ADAM9: variants seen among roughly 807,000 people sequenced by gnomAD.
The protein encoded by ADAM9 is ADAM metallopeptidase domain 9, also known as disintegrin and metalloproteinase domain-containing protein 9.
ADAM9 carries 54 observed loss-of-function variants against 108.1 expected under a neutral mutation model. The ratio of observed to expected loss-of-function variants is 0.50; its 90% CI spans 0.40 to 0.63. ADAM9 has a LOEUF of 0.63. Ranked by LOEUF, ADAM9 falls within the 20% of genes least tolerant of loss-of-function variation. ADAM9 has a pLI of 0.00. For synonymous variants in ADAM9, 316 were observed against 336.0 expected (o/e 0.94, Z 0.65); for missense variants, 830 against 997.7 (o/e 0.83, Z 2.26).
At position 39,105,145 on chromosome 8, in the gene ADAM9, CT is replaced by C; in HGVS notation, c.*1450del. On this transcript the variant is annotated 3_prime_UTR_variant, in exon 22 of 22. Transcript: ENST00000487273. ...ACTTTTGCCAAAGTGTGCACAATGGCTTTTTGTTAATAAAGAACAGATTAGT... is the reference window on the plus strand; with the variant it reads ...ACTTTTGCCAAAGTGTGCACAATGGCTTTTGTTAATAAAGAACAGATTAGT... The C allele has an allele frequency of 2.4e-6, 1 of 422,950 alleles. No homozygotes were observed. Among genetic ancestry groups the C allele is most frequent in the South Asian group, 1.8e-5 (1 of 56,692 alleles). The allele number at this position is 422,950 out of a possible 1,614,324, so 26.2% of individuals were successfully genotyped here. A position where few individuals can be genotyped will look rare whatever the true frequency, so the allele number is the denominator to read the frequency against.
intron 12 of ADAM9, among the ~76,000 whole-genome samples, chr8:39,044,950 GTGTATA>G: frequency 6.7e-6 from 1 of 149,994 alleles, no homozygotes; most frequent in Non-Finnish European, 1.5e-5. Context: ...ACCTATGTAT[GTGTATA>G]TGTGTGTGCA....
chr8:39,039,740 G>A (rs918143161), intron 11 of ADAM9, among the ~76,000 whole-genome samples: 1 of 152,198 alleles, frequency 6.6e-6, no homozygotes, highest in Admixed American at 6.5e-5. Flanking sequence ...TTATAAGGAT[G>A]AATAATTACC....
rs1564296354 is a variant in ADAM9, at chr8:39,045,042, GTATGTGTATGTGTGTGTGCATACATACA to G, written c.1302+2933_1302+2960del. Reference sequence around the variant, plus strand: ...TATGTGTGTGTGCATACATACATATGTATGTGTATGTGTGTGTGCATACATACATATGTGTGTGTGCATACATACATAT... The same window carrying G: ...TATGTGTGTGTGCATACATACATATGTATGTGTGTGTGCATACATACATAT... On this transcript the variant is annotated intron_variant, in intron 12 of 21. Coordinates refer to ENST00000487273, the MANE Select transcript of ADAM9 (RefSeq NM_003816.3). 3.6e-5 allele frequency among the ~76,000 whole-genome samples: 2 copies of G among 54,922 alleles called. 1 individual carries two copies. Among genetic ancestry groups the G allele is most frequent in the African/African-American group, 1.7e-4 (2 of 11,872 alleles). 36.0% of individuals were successfully genotyped at this position (54,922 alleles called of 152,430 possible). A position where few individuals can be genotyped will look rare whatever the true frequency, so the allele number is the denominator to read the frequency against.
chr8:39,068,711 A>G (rs979571197), intron 14 of ADAM9, among the ~76,000 whole-genome samples: 1 of 133,428 alleles, frequency 7.5e-6, no homozygotes, highest in Admixed American at 7.7e-5. Flanking sequence ...AAAAAAAAAA[A>G]AAAGACCTGA....
intron 12 of ADAM9, among the ~76,000 whole-genome samples, 176 bp from the exon 13 acceptor site, chr8:39,054,305 T>C (rs981997549): frequency 6.6e-6 from 1 of 152,190 alleles, no homozygotes; most frequent in African/African-American, 2.4e-5. Context: ...TTGAGACTTA[T>C]ACTTGCAGCT....
intron 20 of ADAM9, among the ~76,000 whole-genome samples, chr8:39,095,422 A>C (rs1411091775): frequency 1.3e-5 from 2 of 152,136 alleles, no homozygotes; most frequent in African/African-American, 4.8e-5. Context: ...CATGTTGTTT[A>C]ATTTTCATGT....
At chr8:39,059,351 C>T (rs1838223627) in intron 14 of ADAM9, among the ~76,000 whole-genome samples, 1 of 152,170 alleles carries the variant, frequency 6.6e-6, no homozygotes, top group Non-Finnish European at 1.5e-5. Context: ...ACTGACTAAC[C>T]TAGGGAATGG....
At chr8:39,025,660 C>A (rs1233653071) in intron 9 of ADAM9, 143 bp from the exon 10 acceptor site, 2 of 710,050 alleles carry the variant, frequency 2.8e-6, no homozygotes, top group South Asian at 1.7e-5. Context: ...TAAGTATATT[C>A]TGATTTTAGA....
chr8:39,078,148 A>G (rs1838906440), intron 16 of ADAM9, among the ~76,000 whole-genome samples: 1 of 152,180 alleles, frequency 6.6e-6, no homozygotes, highest in East Asian at 1.9e-4. Context: ...CTTTCTCCCA[A>G]GTTTTCAGTT....
At chr8:39,006,248 C>T (rs1836156966) in intron 1 of ADAM9, among the ~76,000 whole-genome samples, 1 of 152,132 alleles carries the variant, frequency 6.6e-6, no homozygotes, top group South Asian at 2.1e-4. Flanking sequence ...AAAACAGATT[C>T]TTACAGAAAT....
Position 39,017,095 on chromosome 8 carries a change from T to C in ADAM9, c.411-124T>C, listed in dbSNP as rs1374162742. On this transcript the variant is annotated intron_variant, in intron 5 of 21. Coordinates refer to ENST00000487273, the MANE Select transcript of ADAM9 (RefSeq NM_003816.3). Reference sequence around the variant, plus strand: ...ATCTGTCTGATTCTAAAGCCTCTATTTTCTTCTCTATGTAATGCTATGCCT... The same window carrying C: ...ATCTGTCTGATTCTAAAGCCTCTATCTTCTTCTCTATGTAATGCTATGCCT... 3 of 1,045,268 alleles carry C rather than the reference T, an allele frequency of 2.9e-6. No individual in the cohort carries two copies. In the East Asian group the frequency reaches 7.7e-5, roughly 27 times the overall value. 64.7% of individuals were successfully genotyped at this position (1,045,268 alleles called of 1,614,324 possible).
chr8:39,067,095 T>C (rs1838504613), intron 14 of ADAM9, among the ~76,000 whole-genome samples: 1 of 152,232 alleles, frequency 6.6e-6, no homozygotes, highest in South Asian at 2.1e-4. Context: ...GGCTCTGTTC[T>C]GTTCCATTGG....
At chr8:39,089,936 T>C in intron 18 of ADAM9, 111 bp from the exon 19 acceptor site, 2 of 1,145,912 alleles carry the variant, frequency 1.7e-6, no homozygotes, top group Non-Finnish European at 2.6e-6. Flanking sequence ...TCAATTAATA[T>C]CAGTTTGATT....
At chr8:39,042,467 G>A (rs1837483449) in intron 12 of ADAM9, among the ~76,000 whole-genome samples, 2 of 152,160 alleles carry the variant, frequency 1.3e-5, no homozygotes, top group South Asian at 2.1e-4. Flanking sequence ...TGCCATTGCA[G>A]GAATATTTAT....
intron 16 of ADAM9, 35 bp downstream of exon 16, chr8:39,077,446 G>GA (rs745925991): frequency 5.2e-6 from 8 of 1,552,442 alleles, no homozygotes; most frequent in African/African-American, 2.8e-5. Context: ...AAAGTAAAAT[G>GA]AAAAAAATTA....
intron 20 of ADAM9, among the ~76,000 whole-genome samples, chr8:39,097,146 G>A (rs1300769358): frequency 6.6e-6 from 1 of 152,106 alleles, no homozygotes; most frequent in Non-Finnish European, 1.5e-5. Flanking sequence ...GTACAAGGAG[G>A]ACTTACGCTA....
rs6474518 is a variant in ADAM9 at position 39,018,947 on chromosome 8, T to C, written c.672+29T>C. ...AGATTGGTGACAATTTTTCTTCTTT[T>C]CCATGAAAAGGATATGAGAAGTGAG... On this transcript the variant is annotated intron_variant, in intron 7 of 21. Transcript: ENST00000487273. 708,161 of 1,603,898 alleles carry C rather than the reference T, an allele frequency of 0.44. 159,884 individuals carry two copies. The highest frequency in any genetic ancestry group is 0.71 in the East Asian group (31,561 of 44,738).
At chr8:39,078,446 C>T (rs1177418080) in intron 16 of ADAM9, among the ~76,000 whole-genome samples, 6 of 151,732 alleles carry the variant, frequency 4.0e-5, no homozygotes, top group East Asian at 1.9e-4. Flanking sequence ...CCAGTCTAGA[C>T]GCCTAGAAGC....
intron 11 of ADAM9, among the ~76,000 whole-genome samples, chr8:39,031,624 T>TA (rs945406428): frequency 8.5e-4 from 130 of 152,346 alleles, no homozygotes; most frequent in African/African-American, 3.0e-3. Flanking sequence ...AGTTTGTTAT[T>TA]ACCAACCTTC....
Sources: allele counts gnomAD v4.1 joint callset (sites outside exome capture counted in the v4.1 genomes callset), GRCh38; gene constraint gnomAD v4.1.1; transcripts MANE v1.5; gene names NCBI Gene and HGNC (gene_info 2026-07-23, HGNC 2026-07-21).